The following DHX29 variants were observed in gnomAD, a reference collection of about 807,000 sequenced individuals.
DHX29 encodes ATP-dependent RNA helicase DHX29.
A neutral mutation model predicts 167.9 loss-of-function variants in DHX29; 79 were observed. That is an observed-to-expected ratio of 0.47 (90% confidence interval 0.39 to 0.57). The LOEUF (loss-of-function observed/expected upper bound fraction) is 0.57. Among genes scored for constraint, DHX29 ranks in the 20% least tolerant of loss-of-function variants. The pLI is 0.00. For synonymous variants in DHX29, 530 were observed against 546.0 expected (o/e 0.97, Z 0.41); for missense variants, 1,347 against 1,593.4 (o/e 0.85, Z 2.63).
chr5:55,291,245 T>G (rs918403641), intron 6 of DHX29, among the ~76,000 whole-genome samples: 1 of 152,122 alleles, frequency 6.6e-6, no homozygotes, highest in Non-Finnish European at 1.5e-5. Context: ...CCCCTTAGGT[T>G]AATAAGTGAC....
Position 55,270,899 on chromosome 5 carries a change from A to G in DHX29, c.2865-193T>C, listed in dbSNP as rs377608625. ...TGCATACTAAATATACTACAAATTA[A>G]AAGTCTGGCAAAAGAAAAAAATTAT... On this transcript the variant is annotated intron_variant, in intron 18 of 26. Transcript: ENST00000251636. Among the ~76,000 whole-genome samples, 4 of 152,374 alleles carry G rather than the reference A, an allele frequency of 2.6e-5. No homozygotes were observed. In the East Asian group the frequency reaches 7.7e-4, roughly 29 times the overall value.
In DHX29 at chr5:55,296,273, T is replaced by C; in HGVS notation, c.452A>G (p.Tyr151Cys). 1.2e-6 allele frequency: 2 copies of C among 1,613,672 alleles called. No individual in the cohort carries two copies. Among genetic ancestry groups the C allele is most frequent in the Non-Finnish European group, 8.5e-7 (1 of 1,179,734 alleles). Residue 151 changes from tyrosine to cysteine, a missense_variant, in exon 4 of 27, where the codon TAT becomes TGT. Transcript: ENST00000251636. ...IEDAMTNTLL[Y>C]GGDLHSALDW... ...CAAGGCAGAATGAAGGTCACCTCCA[T>C]ATAAGAGTGTATTGGTCATGGCATC... is the stretch of plus-strand genomic sequence containing the variant.
At chr5:55,274,221 T>A (rs112403980) in intron 16 of DHX29, among the ~76,000 whole-genome samples, 4 of 151,620 alleles carry the variant, frequency 2.6e-5, no homozygotes, top group Non-Finnish European at 5.9e-5. Flanking sequence ...GGGGGAGACC[T>A]TGTCTCTATG....
At chr5:55,280,254 A>G (rs1234193274) in intron 12 of DHX29, among the ~76,000 whole-genome samples, 1 of 152,142 alleles carries the variant, frequency 6.6e-6, no homozygotes, top group Non-Finnish European at 1.5e-5. Flanking sequence ...TGTGTCTACA[A>G]ATGGCTAATA....
At chr5:55,263,717 G>A (rs1318221958) in intron 23 of DHX29, among the ~76,000 whole-genome samples, 1 of 148,194 alleles carries the variant, frequency 6.7e-6, no homozygotes, top group Non-Finnish European at 1.5e-5. Context: ...AAAGGAAAAG[G>A]GGCTAAATTG....
chr5:55,267,121 T>G lies in DHX29; in HGVS notation c.3525+17A>C. On this transcript the variant is annotated intron_variant, in intron 23 of 26. Coordinates refer to ENST00000251636, the MANE Select transcript of DHX29 (RefSeq NM_019030.4). The stretch of plus-strand genomic sequence containing the variant: ...GTTACCCATGACTCTGAGTGAGAGA[T>G]CCATATTAAGAATTACCTCTAGGGT... 2.0e-6 allele frequency: 3 copies of G among 1,514,048 alleles called. No homozygotes were observed. The highest frequency in any genetic ancestry group is 2.7e-6 in the Non-Finnish European group (3 of 1,099,698). The allele number at this position is 1,514,048 out of a possible 1,614,324, so 93.8% of individuals were successfully genotyped here.
chr5:55,305,442 AGGT>A (rs1748811959), intron 1 of DHX29, among the ~76,000 whole-genome samples: 1 of 152,252 alleles, frequency 6.6e-6, no homozygotes, highest in Non-Finnish European at 1.5e-5. Flanking sequence ...AATTATTAAA[AGGT>A]TAGAAAGAGG....
rs1305322583 is a variant in DHX29 at position 55,267,237 on chromosome 5, TAAATA to T, written c.3432-11_3432-7del. On this transcript the variant is annotated splice_polypyrimidine_tract_variant and splice_region_variant and intron_variant, in intron 22 of 26. Coordinates refer to ENST00000251636, the MANE Select transcript of DHX29 (RefSeq NM_019030.4). The stretch of plus-strand genomic sequence containing the variant: ...CTTGTCGTGCTTTCTTCCATCTAGA[TAAATA>T]AAATGTCAATTAATGAATAAAGTTC... 4.4e-6 allele frequency: 7 copies of T among 1,602,980 alleles called. No individual in the cohort carries two copies. Among genetic ancestry groups the T allele is most frequent in the Non-Finnish European group, 6.0e-6 (7 of 1,171,308 alleles).
chr5:55,279,997 C>T (rs911421245), intron 12 of DHX29, among the ~76,000 whole-genome samples: 3 of 152,094 alleles, frequency 2.0e-5, no homozygotes, highest in African/African-American at 7.2e-5. Flanking sequence ...TAGCAGCCAT[C>T]AAGAAAACCT....
chr5:55,305,503 A>T (rs1329060311), intron 1 of DHX29, among the ~76,000 whole-genome samples: 1 of 152,236 alleles, frequency 6.6e-6, no homozygotes, highest in African/African-American at 2.4e-5. Context: ...AAAGTCAGTG[A>T]GGATGCCATG....
chr5:55,298,601 G>T lies in DHX29; in HGVS notation c.251C>A (p.Ser84Tyr), dbSNP rs148309373. 3.1e-4 allele frequency: 481 copies of T among 1,539,774 alleles called. No individual in the cohort carries two copies. Among genetic ancestry groups the T allele is most frequent in the Non-Finnish European group, 4.0e-4 (444 of 1,115,256 alleles). Residue 84 changes from serine (S) to tyrosine (Y), a missense_variant, in exon 2 of 27, where the codon TCT becomes TAT. Around this residue, in one of 3 missense-constraint regions of DHX29, gnomAD observed 405 missense variants for 416.8 expected, o/e 0.97. Coordinates refer to ENST00000251636, the MANE Select transcript of DHX29 (RefSeq NM_019030.4). ...DSSGPANLDK[S>Y]ILKVVINNKL... is the part of the protein sequence containing the mutation. ...ACCTTTGTTACTTACTTTCAAAATA[G>T]ATTTATCCAGATTTGCAGGACCACT...
rs1746054015 is a variant in DHX29 at position 55,256,352 on chromosome 5, T to C, written c.*136A>G. 1.6e-6 allele frequency: 1 copy of C among 632,980 alleles called. No individual in the cohort carries two copies. Among genetic ancestry groups the C allele is most frequent in the Non-Finnish European group, 2.5e-6 (1 of 402,362 alleles). 39.2% of individuals were successfully genotyped at this position (632,980 alleles called of 1,614,324 possible). On this transcript the variant is annotated 3_prime_UTR_variant, in exon 27 of 27. Transcript: ENST00000251636. ...TACATGTTTAAAGTATGTGCTTTTT[T>C]CCCACCACCTTTAAGTTAATGGCTA...
At chr5:55,274,037 A>G (rs1746979419) in intron 16 of DHX29, among the ~76,000 whole-genome samples, 1 of 150,086 alleles carries the variant, frequency 6.7e-6, no homozygotes, top group Admixed American at 6.7e-5. Flanking sequence ...CAGTAAGCTG[A>G]GATTGCGCTA....
intron 1 of DHX29, among the ~76,000 whole-genome samples, chr5:55,299,648 C>T (rs1579820914): frequency 6.6e-6 from 1 of 152,122 alleles, no homozygotes. Context: ...CTCATTCACA[C>T]GGCCTTCTTC....
chr5:55,267,563 T>C (rs997642729), intron 22 of DHX29, 123 bp downstream of exon 22: 5 of 838,754 alleles, frequency 6.0e-6, no homozygotes, highest in Non-Finnish European at 8.5e-6. Flanking sequence ...CCTTGACAGA[T>C]GAAATAACTA....
At chr5:55,287,791 A>C (rs1437195123) in intron 8 of DHX29, among the ~76,000 whole-genome samples, 1 of 151,850 alleles carries the variant, frequency 6.6e-6, no homozygotes, top group African/African-American at 2.4e-5. Context: ...TCTACTAAAA[A>C]TACAAAAATT....
chr5:55,307,160 A>C (rs1010683049), intron 1 of DHX29, among the ~76,000 whole-genome samples: 5 of 152,222 alleles, frequency 3.3e-5, no homozygotes, highest in Admixed American at 1.3e-4. Flanking sequence ...GTGTGAGTTA[A>C]AAGAGAAATG....
chr5:55,271,037 G>T (rs570234319), intron 18 of DHX29, among the ~76,000 whole-genome samples: 1 of 152,228 alleles, frequency 6.6e-6, no homozygotes, highest in East Asian at 1.9e-4. Context: ...GTGTTACTGT[G>T]AACATTACAA....
intron 6 of DHX29, among the ~76,000 whole-genome samples, chr5:55,291,161 C>G (rs944756755): frequency 2.6e-5 from 4 of 152,106 alleles, no homozygotes; most frequent in Non-Finnish European, 5.9e-5. Flanking sequence ...TGTCATAACC[C>G]TCAAGGACAT....
Sources: allele counts gnomAD v4.1 joint callset (sites outside exome capture counted in the v4.1 genomes callset), GRCh38; gene constraint gnomAD v4.1.1; regional missense constraint gnomAD v4.1.1; transcripts MANE v1.5; gene names NCBI Gene and HGNC (gene_info 2026-07-23, HGNC 2026-07-21).